Variants in CNOT9 observed in about 807,000 individuals in gnomAD.
CNOT9 encodes the protein CCR4-NOT transcription complex subunit 9.
A neutral mutation model predicts 37.4 loss-of-function variants in CNOT9; 8 were observed. That is an observed-to-expected ratio of 0.21 (90% CI 0.13 to 0.39). The LOEUF (loss-of-function observed/expected upper bound fraction) is 0.39, where lower values mean the gene tolerates loss of function less well. CNOT9 is among the 10% of genes least tolerant of loss of function. The pLI, the probability that CNOT9 is intolerant of heterozygous loss-of-function variation, is 1.00. For synonymous variants in CNOT9, 120 were observed against 137.6 expected (o/e 0.87, Z 0.90); for missense variants, 154 against 365.3 (o/e 0.42, Z 4.71).
At chr2:218,573,586 C>G (rs1559242731) in intron 1 of CNOT9, 2 of 152,154 alleles carry the variant, frequency 1.3e-5, no homozygotes, top group African/African-American at 4.8e-5. Context: ...TTTAAGAAAC[C>G]ATCAGCATCA....
At chr2:218,587,993 C>CT (rs1362362934) in intron 5 of CNOT9, among the ~76,000 whole-genome samples, 1 of 152,024 alleles carries the variant, frequency 6.6e-6, no homozygotes, top group East Asian at 1.9e-4. Flanking sequence ...TATAACCGGG[C>CT]TTTTTTAAAA....
Position 218,592,714 on chromosome 2 carries a change from A to G in CNOT9, c.731+7A>G, listed in dbSNP as rs1453113054. 4 of 1,607,084 alleles carry G rather than the reference A, an allele frequency of 2.5e-6. No homozygotes were observed. Among genetic ancestry groups the G allele is most frequent in the South Asian group, 1.1e-5 (1 of 90,930 alleles). ...GACTTTCAGATAACCCCAGGTAAAC[A>G]TTTATAGGATGTATAGGACTTTAGG... On this transcript the variant is annotated splice_region_variant and intron_variant, in intron 7 of 7. Transcript: ENST00000273064. The surrounding 1 kb of genome is among the most constrained non-coding windows in gnomAD (Gnocchi z 4.1).
chr2:218,591,090 T>C (rs2106098463), intron 5 of CNOT9, among the ~76,000 whole-genome samples: 1 of 152,300 alleles, frequency 6.6e-6, no homozygotes, highest in Admixed American at 6.5e-5. Flanking sequence ...CTTAATCACG[T>C]CTGCAAAGTC....
chr2:218,572,542 C>CA (rs1255048046), intron 1 of CNOT9: 2 of 277,230 alleles, frequency 7.2e-6, no homozygotes, highest in Non-Finnish European at 1.1e-5. Flanking sequence ...CCTATCTCTA[C>CA]AAAAAATGTT....
chr2:218,580,797 T>C, intron 2 of CNOT9, 57 bp downstream of exon 2: 2 of 1,473,656 alleles, frequency 1.4e-6, no homozygotes, highest in East Asian at 2.3e-5. Flanking sequence ...TGTATATTTC[T>C]TTACCTTTGC....
chr2:218,582,313 T>C (rs946080562), intron 2 of CNOT9, among the ~76,000 whole-genome samples: 4 of 152,120 alleles, frequency 2.6e-5, no homozygotes, highest in African/African-American at 9.7e-5. Context: ...AGCAAAATTA[T>C]AAAAATTTGA....
At chr2:218,580,141 G>A (rs1451920805) in intron 1 of CNOT9, among the ~76,000 whole-genome samples, 1 of 152,016 alleles carries the variant, frequency 6.6e-6, no homozygotes, top group Non-Finnish European at 1.5e-5. Context: ...GCTAAATTTT[G>A]TATTTTTAGT....
intron 1 of CNOT9, among the ~76,000 whole-genome samples, chr2:218,570,979 A>G (rs1341967331): frequency 6.6e-6 from 1 of 152,158 alleles, no homozygotes; most frequent in Non-Finnish European, 1.5e-5. Context: ...GGAAACTAAA[A>G]CGTAAAAAGT....
intron 7 of CNOT9, chr2:218,593,006 T>C (rs1574999390): frequency 5.1e-6 from 2 of 390,732 alleles, no homozygotes; most frequent in East Asian, 1.1e-4. Context: ...GTTGCTACTC[T>C]ACGTGGTCAG....
chr2:218,588,287 C>A (rs1198415274), intron 5 of CNOT9, among the ~76,000 whole-genome samples: 5 of 141,552 alleles, frequency 3.5e-5, no homozygotes, highest in Admixed American at 7.1e-5. Flanking sequence ...AATCATATAT[C>A]TTTTTTTTTT....
chr2:218,568,869 T>C lies in CNOT9; in HGVS notation c.-86T>C. 6.8e-7 allele frequency: 1 copy of C among 1,474,506 alleles called. No homozygotes were observed. Among genetic ancestry groups the C allele is most frequent in the Non-Finnish European group, 9.3e-7 (1 of 1,080,780 alleles). The allele number at this position is 1,474,506 out of a possible 1,614,324, so 91.3% of individuals were successfully genotyped here. Reference sequence around the variant, plus strand: ...GGAGTCGGATGGCGGCTACGGCGGCTCATTGTTTTCCGCTGCAGGGGTGCT... The same window carrying C: ...GGAGTCGGATGGCGGCTACGGCGGCCCATTGTTTTCCGCTGCAGGGGTGCT... On this transcript the variant is annotated 5_prime_UTR_variant, in exon 1 of 8. Coordinates refer to ENST00000273064, the MANE Select transcript of CNOT9 (RefSeq NM_005444.3).
chr2:218,593,791 T>A (rs1694853377), intron 7 of CNOT9: 1 of 1,205,356 alleles, frequency 8.3e-7, no homozygotes, highest in East Asian at 2.8e-5. Flanking sequence ...AATCCATATA[T>A]TTCTAACATG....
At position 218,587,488 on chromosome 2, in the gene CNOT9, T is replaced by A. The variant is rs919139840; in HGVS notation, c.431-98T>A. The A allele has an allele frequency of 1.0e-5, 14 of 1,341,398 alleles. No individual in the cohort carries two copies. In the African/African-American group the frequency reaches 2.1e-4, roughly 20 times the overall value. The allele number at this position is 1,341,398 out of a possible 1,614,324, so 83.1% of individuals were successfully genotyped here. Reference sequence around the variant, plus strand: ...TTAACAAACCCCAGTTTGTGTTCTGTTATTTAAGTTCACAACTCACTGGAT... The same window carrying A: ...TTAACAAACCCCAGTTTGTGTTCTGATATTTAAGTTCACAACTCACTGGAT... On this transcript the variant is annotated intron_variant, in intron 4 of 7. Coordinates refer to ENST00000273064, the MANE Select transcript of CNOT9 (RefSeq NM_005444.3).
rs1231498854 is a variant in CNOT9, at chr2:218,596,354, C to T, written c.*2078C>T. On this transcript the variant is annotated 3_prime_UTR_variant, in exon 8 of 8. Transcript: ENST00000273064. ...GGTGTGTGTATTATATAAAGAGACC[C>T]CTCCCCTTATTTTGTGTTTTCCATC... 6.6e-6 allele frequency: 1 copy of T among 152,108 alleles called. No individual in the cohort carries two copies. Among genetic ancestry groups the T allele is most frequent in the Non-Finnish European group, 1.5e-5 (1 of 68,030 alleles). The allele number at this position is 152,108 out of a possible 1,614,324, so 9.4% of individuals were successfully genotyped here.
chr2:218,594,185 C>G lies in CNOT9; in HGVS notation c.809C>G (p.Thr270Ser). 1 of 1,614,224 alleles carries G rather than the reference C, an allele frequency of 6.2e-7. No homozygotes were observed. Among genetic ancestry groups the G allele is most frequent in the Non-Finnish European group, 8.5e-7 (1 of 1,180,036 alleles). Residue 270 changes from threonine to serine, a missense_variant, in exon 8 of 8, where the codon ACC becomes AGC. By Grantham distance (58) the Thr-to-Ser change is moderately conservative (BLOSUM62 1). Coordinates refer to ENST00000273064, the MANE Select transcript of CNOT9 (RefSeq NM_005444.3). ...TTFAQVLKDDTTTKRWLAQLV... is the reference protein window; with the variant it reads ...TTFAQVLKDDSTTKRWLAQLV... ...TTCGCCCAGGTGCTAAAAGATGACA[C>G]CACCACGAAACGCTGGCTTGCACAA... is the stretch of plus-strand genomic sequence containing the variant.
intron 1 of CNOT9, chr2:218,572,728 G>A (rs1694038637): frequency 1.0e-6 from 1 of 983,686 alleles, no homozygotes; most frequent in Admixed American, 6.1e-5. Flanking sequence ...TAGGGGATGT[G>A]TTTTTGTTTT....
intron 1 of CNOT9, chr2:218,572,823 A>T (rs1449303536): frequency 2.9e-6 from 1 of 345,308 alleles, no homozygotes; most frequent in African/African-American, 2.2e-5. Flanking sequence ...CCGCCTAACC[A>T]GCAGCATCAT....
intron 2 of CNOT9, 117 bp from the exon 3 acceptor site, chr2:218,582,854 A>T: frequency 3.1e-6 from 2 of 635,042 alleles, no homozygotes; most frequent in Non-Finnish European, 5.5e-6. Context: ...CTGAGTTCTT[A>T]AAAGATGCAC....
intron 5 of CNOT9, 114 bp downstream of exon 5, chr2:218,587,809 T>A (rs1277088891): frequency 2.1e-6 from 1 of 480,776 alleles, no homozygotes; most frequent in African/African-American, 2.0e-5. Flanking sequence ...TATTTTCTGT[T>A]TTGAATAAAA....
Sources: allele counts gnomAD v4.1 joint callset (sites outside exome capture counted in the v4.1 genomes callset), GRCh38; gene constraint gnomAD v4.1.1; non-coding constraint Gnocchi (gnomAD v3.1); transcripts MANE v1.5; gene names NCBI Gene and HGNC (gene_info 2026-07-23, HGNC 2026-07-21).